Variants in KCNIP4 observed in about 807,000 individuals in gnomAD.
The protein encoded by KCNIP4 is potassium voltage-gated channel interacting protein 4.
KCNIP4 carries 12 observed loss-of-function variants against 34.0 expected under a neutral mutation model. The ratio of observed to expected loss-of-function variants is 0.35; its 90% CI spans 0.23 to 0.57. KCNIP4 has a LOEUF of 0.57. Ranked by LOEUF, KCNIP4 falls within the 20% of genes least tolerant of loss-of-function variation. The probability of loss-of-function intolerance (pLI) is 0.83; values close to 1 mark genes in which losing one functional copy is unlikely to be tolerated. For synonymous variants in KCNIP4, 124 were observed against 102.2 expected, an observed-to-expected ratio of 1.21 and a Z score of -1.29; for missense variants, 238 against 311.7, an observed-to-expected ratio of 0.76 and a Z score of 1.78.
At chr4:21,499,226 G>A (rs1733102287) in intron 1 of KCNIP4, among the ~76,000 whole-genome samples, 1 of 151,298 alleles carries the variant, frequency 6.6e-6, no homozygotes, top group Admixed American at 6.6e-5. Context: ...AGCTACTCAG[G>A]AGGCTGAGGC....
chr4:20,846,500 A>C (rs954813580), intron 3 of KCNIP4, among the ~76,000 whole-genome samples: 3 of 152,220 alleles, frequency 2.0e-5, no homozygotes, highest in Non-Finnish European at 2.9e-5. Context: ...ATTGGTTCTC[A>C]AATGAGGCTT....
chr4:21,684,822 C>T (rs1249748157), intron 1 of KCNIP4, among the ~76,000 whole-genome samples: 2 of 152,122 alleles, frequency 1.3e-5, no homozygotes, highest in African/African-American at 4.8e-5. Flanking sequence ...TCCCCTCTCC[C>T]CCGACCCCAT....
intron 1 of KCNIP4, among the ~76,000 whole-genome samples, chr4:21,207,177 G>A (rs1204513396): frequency 6.6e-6 from 1 of 151,938 alleles, no homozygotes; most frequent in Non-Finnish European, 1.5e-5. Flanking sequence ...TTTGGTACTA[G>A]GAGAAATATT....
chr4:21,502,227 C>T (rs1733427107), intron 1 of KCNIP4, among the ~76,000 whole-genome samples: 1 of 151,842 alleles, frequency 6.6e-6, no homozygotes. Context: ...ACATTCATCC[C>T]TATGTCAAGG....
intron 1 of KCNIP4, among the ~76,000 whole-genome samples, chr4:21,750,774 C>G (rs1195685942): frequency 1.3e-5 from 2 of 152,070 alleles, no homozygotes; most frequent in African/African-American, 4.8e-5. Context: ...CGCGGAGAAG[C>G]TGTGGGCTGG....
At chr4:21,819,117 T>A (rs918123409) in intron 1 of KCNIP4, among the ~76,000 whole-genome samples, 3 of 152,238 alleles carry the variant, frequency 2.0e-5, no homozygotes, top group African/African-American at 7.2e-5. Flanking sequence ...GAAATTTTTT[T>A]AAAAACAGCA....
intron 1 of KCNIP4, among the ~76,000 whole-genome samples, chr4:21,098,073 C>T (rs994767025): frequency 4.6e-5 from 7 of 152,248 alleles, no homozygotes; most frequent in South Asian, 2.1e-4. Context: ...AAACTAGCCA[C>T]GATATTCCCT....
At chr4:20,969,750 T>C (rs552980501) in intron 1 of KCNIP4, among the ~76,000 whole-genome samples, 1 of 150,524 alleles carries the variant, frequency 6.6e-6, no homozygotes, top group South Asian at 2.1e-4. Flanking sequence ...TAGTAAACTA[T>C]ATTACACACA....
chr4:21,562,354 G>A (rs564782129), intron 1 of KCNIP4, among the ~76,000 whole-genome samples: 1 of 152,070 alleles, frequency 6.6e-6, no homozygotes, highest in South Asian at 2.1e-4. Flanking sequence ...AATTTACCGA[G>A]GTGGATGTGC....
chr4:21,615,496 A>T (rs1052148310), intron 1 of KCNIP4, among the ~76,000 whole-genome samples: 1 of 152,078 alleles, frequency 6.6e-6, no homozygotes, highest in Non-Finnish European at 1.5e-5. Flanking sequence ...CAGTGAGCCG[A>T]GATCACGCCA....
At chr4:21,746,592 TAAA>T (rs11324541) in intron 1 of KCNIP4, among the ~76,000 whole-genome samples, 35 of 150,016 alleles carry the variant, frequency 2.3e-4, no homozygotes, top group African/African-American at 2.9e-4. Context: ...CAAGAAAAAA[TAAA>T]AAAAAAAGCA....
intron 1 of KCNIP4, among the ~76,000 whole-genome samples, chr4:21,757,532 G>T (rs1717748514): frequency 6.6e-6 from 1 of 152,134 alleles, no homozygotes; most frequent in Admixed American, 6.6e-5. Flanking sequence ...TGCTGGTTAG[G>T]AAATACATGG....
At chr4:21,819,134 CT>C in intron 1 of KCNIP4, among the ~76,000 whole-genome samples, 1 of 152,168 alleles carries the variant, frequency 6.6e-6, no homozygotes, top group Non-Finnish European at 1.5e-5. Flanking sequence ...AGCATATTTT[CT>C]TTGCACTGAT....
At chr4:21,409,361 T>A (rs915849580) in intron 1 of KCNIP4, among the ~76,000 whole-genome samples, 2 of 152,078 alleles carry the variant, frequency 1.3e-5, no homozygotes, top group African/African-American at 2.4e-5. Context: ...CAAGTGATCC[T>A]CCCAAGGCAC....
chr4:21,367,870 T>G (rs1289123958), intron 1 of KCNIP4, among the ~76,000 whole-genome samples: 2 of 147,804 alleles, frequency 1.4e-5, no homozygotes, highest in Admixed American at 6.6e-5. Flanking sequence ...TTTCCATGTC[T>G]GCTGTATTTG....
intron 1 of KCNIP4, among the ~76,000 whole-genome samples, chr4:20,998,762 G>T (rs1054804094): frequency 6.6e-6 from 1 of 152,236 alleles, no homozygotes; most frequent in Non-Finnish European, 1.5e-5. Context: ...TCTTTGCAAA[G>T]AAGTACTCCA....
At chr4:21,531,023 A>G (rs1244222750) in intron 1 of KCNIP4, among the ~76,000 whole-genome samples, 1 of 152,188 alleles carries the variant, frequency 6.6e-6, no homozygotes, top group Non-Finnish European at 1.5e-5. Context: ...ACAGCTTGGA[A>G]CTGTAATCTT....
intron 1 of KCNIP4, among the ~76,000 whole-genome samples, chr4:20,965,476 T>G (rs1031146183): frequency 6.6e-6 from 1 of 152,270 alleles, no homozygotes; most frequent in South Asian, 2.1e-4. Flanking sequence ...CTTAAAAAAT[T>G]TCCCTCCATT....
intron 1 of KCNIP4, among the ~76,000 whole-genome samples, chr4:21,945,921 T>C (rs1043516646): frequency 1.3e-5 from 2 of 150,980 alleles, no homozygotes; most frequent in African/African-American, 2.4e-5. Flanking sequence ...TCTACTTGTA[T>C]GTACTTATGC....
Sources: allele counts gnomAD v4.1 joint callset (sites outside exome capture counted in the v4.1 genomes callset), GRCh38; gene constraint gnomAD v4.1.1; transcripts MANE v1.5; gene names NCBI Gene and HGNC (gene_info 2026-07-23, HGNC 2026-07-21).